Variants in XYLT1 observed in about 807,000 individuals in gnomAD.
The protein encoded by XYLT1 is beta-D-xylosyltransferase 1.
In XYLT1, 36 loss-of-function variants were observed where a neutral mutation model predicts 91.3. That is an observed-to-expected ratio of 0.39 (90% CI 0.30 to 0.52). The LOEUF (loss-of-function observed/expected upper bound fraction) is 0.52, where lower values mean the gene tolerates loss of function less well. XYLT1 is among the 20% of genes least tolerant of loss of function. The pLI is 0.68. For synonymous variants in XYLT1, 588 were observed against 532.0 expected (o/e 1.11, Z -1.45); for missense variants, 1,242 against 1,284.5 (o/e 0.97, Z 0.51).
At chr16:17,159,658 C>T (rs1236570209) in intron 5 of XYLT1, among the ~76,000 whole-genome samples, 2 of 152,208 alleles carry the variant, frequency 1.3e-5, no homozygotes, top group East Asian at 3.9e-4. Flanking sequence ...GATACCAAGT[C>T]CTCGATAACC....
intron 5 of XYLT1, among the ~76,000 whole-genome samples, chr16:17,172,540 C>T (rs916932100): frequency 3.6e-5 from 5 of 140,284 alleles, no homozygotes; most frequent in South Asian, 2.2e-4. Context: ...GGCGTGATCT[C>T]GGCTCACTGC....
At chr16:17,325,709 C>G (rs1323122072) in intron 2 of XYLT1, among the ~76,000 whole-genome samples, 2 of 152,124 alleles carry the variant, frequency 1.3e-5, no homozygotes, top group Non-Finnish European at 2.9e-5. Context: ...GGAAAAAATT[C>G]CATTCAAACA....
intron 9 of XYLT1, among the ~76,000 whole-genome samples, chr16:17,130,831 A>G (rs1016921273): frequency 5.3e-5 from 8 of 152,006 alleles, no homozygotes; most frequent in Non-Finnish European, 1.0e-4. Context: ...TCATGCTTTC[A>G]GTAAAATCCA....
chr16:17,262,800 C>A (rs1198452968), intron 2 of XYLT1, among the ~76,000 whole-genome samples: 2 of 152,152 alleles, frequency 1.3e-5, no homozygotes, highest in African/African-American at 4.8e-5. Context: ...AAATTGACCC[C>A]TGCTGCTTTG....
chr16:17,127,703 C>T lies in XYLT1; in HGVS notation c.2186G>A (p.Ser729Asn), dbSNP rs747076288. The change falls in exon 10 of 12, where the codon AGC (serine) becomes AAC (asparagine). Residue 729 changes from serine (S) to asparagine (N), a missense_variant. Physicochemically the swap from Ser to Asn is conservative, Grantham distance 46. This residue lies in a region of XYLT1 where 511 missense variants were observed against 497.0 expected (regional missense o/e 1.03). Transcript: ENST00000261381. ...AAGCCTCCCAAAGTCACTGGGTGGG[C>T]TTGCGATCTTGAAGACTTTTTTCGG... ...VMPKKVFKIA[S>N]PPSDFGRLQF... 1.2e-6 allele frequency: 2 copies of T among 1,614,138 alleles called. No individual in the cohort carries two copies. Among genetic ancestry groups the T allele is most frequent in the Non-Finnish European group, 8.5e-7 (1 of 1,180,018 alleles).
chr16:17,212,025 C>A (rs369024189), intron 3 of XYLT1, among the ~76,000 whole-genome samples: 1 of 152,152 alleles, frequency 6.6e-6, no homozygotes, highest in East Asian at 1.9e-4. Context: ...GGGGATAGGG[C>A]GTGGAGAGGC....
chr16:17,138,497 T>G lies in XYLT1; in HGVS notation c.1622A>C (p.His541Pro). 6.2e-7 allele frequency: 1 copy of G among 1,613,884 alleles called. No homozygotes were observed. Among genetic ancestry groups the G allele is most frequent in the Non-Finnish European group, 8.5e-7 (1 of 1,179,996 alleles). ...GTTGTTGTCCACCATGGTGTCGCAG[T>G]GGGGGCTGTTCTCCAGGACCGTATG... ...FFHTVLENSP[H>P]CDTMVDNNLR... The change falls in exon 8 of 12, where the codon CAC (histidine) becomes CCC (proline). Residue 541 changes from histidine (H) to proline (P), a missense_variant. Physicochemically the swap from His to Pro is moderately conservative, Grantham distance 77 (BLOSUM62 -2). This residue lies in a region of XYLT1 where 294 missense variants were observed against 376.0 expected (regional missense o/e 0.78). Transcript: ENST00000261381.
At chr16:17,183,434 G>A (rs11863514) in intron 5 of XYLT1, among the ~76,000 whole-genome samples, 59,446 of 149,836 alleles carry the variant, frequency 0.4, 13,455 homozygotes, top group South Asian at 0.65. Flanking sequence ...ATTATGACCC[G>A]TTGGCAAAAA....
chr16:17,117,076 G>T (rs529432745), intron 11 of XYLT1, among the ~76,000 whole-genome samples: 37 of 152,290 alleles, frequency 2.4e-4, no homozygotes, highest in African/African-American at 8.9e-4. Context: ...CTCTAAAGCA[G>T]AAGCAGGCAA....
intron 2 of XYLT1, among the ~76,000 whole-genome samples, chr16:17,328,918 G>C (rs574376629): frequency 6.6e-6 from 1 of 152,178 alleles, no homozygotes; most frequent in Non-Finnish European, 1.5e-5. Flanking sequence ...GCTCCAGATG[G>C]CTGAAGTTTT....
At chr16:17,400,406 A>G (rs979883326) in intron 1 of XYLT1, among the ~76,000 whole-genome samples, 1 of 152,184 alleles carries the variant, frequency 6.6e-6, no homozygotes, top group Non-Finnish European at 1.5e-5. Flanking sequence ...GCTAGCCAAC[A>G]TGGTAAAACC....
chr16:17,180,212 C>T (rs1194398311), intron 5 of XYLT1, among the ~76,000 whole-genome samples: 2 of 152,250 alleles, frequency 1.3e-5, no homozygotes, highest in Admixed American at 1.3e-4. Context: ...CCATCACTGT[C>T]ATGAAGCCTG....
chr16:17,291,637 T>C (rs549542649), intron 2 of XYLT1, among the ~76,000 whole-genome samples: 1 of 152,284 alleles, frequency 6.6e-6, no homozygotes, highest in African/African-American at 2.4e-5. Flanking sequence ...AATACGGTGC[T>C]GAGGACCTCA....
chr16:17,465,922 G>A (rs1265374737), intron 1 of XYLT1, among the ~76,000 whole-genome samples: 1 of 152,114 alleles, frequency 6.6e-6, no homozygotes, highest in Non-Finnish European at 1.5e-5. Flanking sequence ...AAATTACAGT[G>A]ACTTGCCCAA....
chr16:17,249,796 G>A (rs546840906), intron 3 of XYLT1: 1 of 152,328 alleles, frequency 6.6e-6, no homozygotes, highest in Admixed American at 6.5e-5. Flanking sequence ...AGCCTCTTGA[G>A]TAGCCGGGAT....
At chr16:17,330,315 C>G (rs1243648063) in intron 2 of XYLT1, among the ~76,000 whole-genome samples, 1 of 152,214 alleles carries the variant, frequency 6.6e-6, no homozygotes, top group Non-Finnish European at 1.5e-5. Flanking sequence ...TACATCCACT[C>G]AACCCCCAGA....
At chr16:17,206,424 A>G (rs751256302) in intron 3 of XYLT1, among the ~76,000 whole-genome samples, 5 of 152,102 alleles carry the variant, frequency 3.3e-5, no homozygotes, top group Admixed American at 6.6e-5. Flanking sequence ...GTGTGGCGAC[A>G]AGCATACTGG....
In XYLT1 at chr16:17,345,648, T is replaced by C. The variant is rs188488217; in HGVS notation, c.402+12364A>G. On this transcript the variant is annotated intron_variant, in intron 2 of 11. Coordinates refer to ENST00000261381, the MANE Select transcript of XYLT1 (RefSeq NM_022166.4). ...AGCTAAAAGCCTTTCTCAAAGGTGATGCACTGAGCAAGTGAAAGAGTTGGG... is the reference window on the plus strand; with the variant it reads ...AGCTAAAAGCCTTTCTCAAAGGTGACGCACTGAGCAAGTGAAAGAGTTGGG... Among the ~76,000 whole-genome samples, 488 of 152,348 alleles carry C rather than the reference T, an allele frequency of 3.2e-3. 7 individuals are homozygous for C. In the Middle Eastern group the frequency reaches 0.058, roughly 18 times the overall value.
At chr16:17,198,164 A>G (rs768981196) in intron 5 of XYLT1, 48 bp downstream of exon 5, 1 of 1,603,406 alleles carries the variant, frequency 6.2e-7, no homozygotes, top group Admixed American at 1.7e-5. Flanking sequence ...ATGACCAGCC[A>G]GAGCAGGACG....
Sources: gnomAD v4.1 joint callset for allele counts (sites outside exome capture counted in the v4.1 genomes callset) on GRCh38, gnomAD v4.1.1 for gene constraint, gnomAD v4.1.1 regional missense constraint, MANE v1.5 for transcripts, NCBI Gene and HGNC (gene_info 2026-07-23, HGNC 2026-07-21) for gene names.